The following ROCK2 variants were observed in gnomAD, a reference collection of about 807,000 sequenced individuals.
The protein encoded by ROCK2 is rho-associated protein kinase 2.
In ROCK2, 61 loss-of-function variants were observed where a neutral mutation model predicts 195.1. The observed-to-expected ratio is 0.31, with a 90% CI of 0.25 to 0.39. The LOEUF is 0.39. Among genes scored for constraint, ROCK2 ranks in the 10% least tolerant of loss-of-function variants. The pLI is 1.00. For missense variants in ROCK2, 1,109 were observed against 1,637.4 expected, an observed-to-expected ratio of 0.68 and a Z score of 5.57; for synonymous variants, 504 against 545.5, an observed-to-expected ratio of 0.92 and a Z score of 1.06.
intron 10 of ROCK2, 139 bp downstream of exon 10, chr2:11,218,827 A>G (rs1184149150): frequency 2.6e-5 from 14 of 542,112 alleles, no homozygotes; most frequent in Non-Finnish European, 4.3e-5. Flanking sequence ...TTGCAATGCT[A>G]TGTTAAACTG....
chr2:11,343,469 T>C (rs752603040), intron 1 of ROCK2, among the ~76,000 whole-genome samples: 5 of 152,190 alleles, frequency 3.3e-5, no homozygotes, highest in Non-Finnish European at 7.3e-5. Flanking sequence ...ATAGCAAGTA[T>C]GGAATGCTCA....
chr2:11,313,084 A>G (rs1668085682), intron 1 of ROCK2, among the ~76,000 whole-genome samples: 1 of 152,124 alleles, frequency 6.6e-6, no homozygotes, highest in Non-Finnish European at 1.5e-5. Flanking sequence ...ACCCAAACAA[A>G]TGTACAGCAA....
intron 1 of ROCK2, among the ~76,000 whole-genome samples, chr2:11,328,313 GAA>G (rs5829298): frequency 6.6e-6 from 1 of 152,178 alleles, no homozygotes; most frequent in African/African-American, 2.4e-5. Flanking sequence ...TTTGGGGGGG[GAA>G]ACAGGCTAAT....
intron 1 of ROCK2, among the ~76,000 whole-genome samples, chr2:11,315,530 C>A (rs1025695940): frequency 2.0e-5 from 3 of 151,926 alleles, no homozygotes; most frequent in Admixed American, 6.6e-5. Flanking sequence ...TTACTCTTTA[C>A]ATTTTCCAGT....
intron 3 of ROCK2, among the ~76,000 whole-genome samples, chr2:11,251,492 T>C (rs544912262): frequency 2.6e-5 from 4 of 152,262 alleles, no homozygotes; most frequent in South Asian, 4.1e-4. Flanking sequence ...AAGGGCTATA[T>C]AGATAGTAAG....
intron 7 of ROCK2, among the ~76,000 whole-genome samples, chr2:11,223,095 A>G (rs1664692260): frequency 6.6e-6 from 1 of 152,084 alleles, no homozygotes; most frequent in Non-Finnish European, 1.5e-5. Flanking sequence ...TCCTCTTAGA[A>G]AGAGGCGTCT....
intron 3 of ROCK2, among the ~76,000 whole-genome samples, chr2:11,267,312 T>C (rs1316006980): frequency 6.6e-6 from 1 of 152,024 alleles, no homozygotes; most frequent in Non-Finnish European, 1.5e-5. Context: ...ATGCTATAGG[T>C]GGGAACTCAG....
chr2:11,268,476 G>A (rs1666498329), intron 3 of ROCK2, among the ~76,000 whole-genome samples: 1 of 80,892 alleles, frequency 1.2e-5, no homozygotes, highest in Non-Finnish European at 3.2e-5. Context: ...CTGTGTGTGT[G>A]TGTTTTTTTC....
chr2:11,230,429 C>T (rs1047782116), intron 5 of ROCK2, among the ~76,000 whole-genome samples: 1 of 152,060 alleles, frequency 6.6e-6, no homozygotes, highest in African/African-American at 2.4e-5. Flanking sequence ...TTTTAGACAG[C>T]ATATACGTAG....
In ROCK2 at chr2:11,234,961, T is replaced by TA. The variant is rs753815550; in HGVS notation, c.723+740dup. On this transcript the variant is annotated intron_variant, in intron 5 of 32. Transcript: ENST00000315872. ...GCTTTATAAGCATACTGGAAAGTTA[T>TA]AAAAAACATACAAAAGATGAAATAC... Among the ~76,000 whole-genome samples, 129 of 152,166 alleles carry TA rather than the reference T, an allele frequency of 8.5e-4. 1 individual carries two copies. The highest frequency in any genetic ancestry group is 1.4e-3 in the Non-Finnish European group (97 of 67,960).
At chr2:11,215,981 T>TAAC (rs1450984881) in intron 13 of ROCK2, among the ~76,000 whole-genome samples, 177 bp downstream of exon 13, 6 of 152,152 alleles carry the variant, frequency 3.9e-5, no homozygotes, top group Admixed American at 6.5e-5. Flanking sequence ...TGCAAAAACA[T>TAAC]AACAGAATGA....
At chr2:11,255,377 C>T (rs1665993843) in intron 3 of ROCK2, among the ~76,000 whole-genome samples, 1 of 150,134 alleles carries the variant, frequency 6.7e-6, no homozygotes, top group African/African-American at 2.5e-5. Context: ...ATAACAAAAC[C>T]CCAGAGTCTC....
At chr2:11,195,543 C>T (rs1464527693) in intron 27 of ROCK2, among the ~76,000 whole-genome samples, 2 of 152,032 alleles carry the variant, frequency 1.3e-5, no homozygotes, top group African/African-American at 2.4e-5. Context: ...GAGATGGAGT[C>T]TTGCTCTGTC....
In ROCK2 at chr2:11,215,389, C is replaced by G; in HGVS notation, c.1621G>C (p.Glu541Gln). 6.2e-7 allele frequency: 1 copy of G among 1,608,090 alleles called. No homozygotes were observed. The highest frequency in any genetic ancestry group is 8.5e-7 in the Non-Finnish European group (1 of 1,178,018). The change falls in exon 15 of 33, where the codon GAA (glutamate) becomes CAA (glutamine). Residue 541 changes from glutamate (E) to glutamine (Q), a missense_variant. Physicochemically the swap from Glu to Gln is conservative, Grantham distance 29. This residue lies in a region of ROCK2 where 542 missense variants were observed against 672.0 expected (regional missense o/e 0.81). Transcript: ENST00000315872. Reference sequence around the variant, plus strand: ...TTTTGATTTCTTTTTTTCAAATCTTCAAGTTGATCTTTTAAGCTGTTAACT... The same window carrying G: ...TTTTGATTTCTTTTTTTCAAATCTTGAAGTTGATCTTTTAAGCTGTTAACT... ...NDVNSLKDQL[E>Q]DLKKRNQNSQ... is the part of the protein sequence containing the mutation.
intron 32 of ROCK2, among the ~76,000 whole-genome samples, chr2:11,189,149 T>A (rs1377733508): frequency 2.0e-5 from 3 of 151,782 alleles, no homozygotes; most frequent in Non-Finnish European, 4.4e-5. Context: ...CATTTATGGG[T>A]TCACTTTATA....
intron 1 of ROCK2, among the ~76,000 whole-genome samples, chr2:11,312,407 T>C (rs1390118001): frequency 6.6e-6 from 1 of 152,076 alleles, no homozygotes; most frequent in African/African-American, 2.4e-5. Flanking sequence ...CCACAAAGTT[T>C]CCTGTACTCC....
At chr2:11,329,674 A>G (rs1668658800) in intron 1 of ROCK2, among the ~76,000 whole-genome samples, 1 of 143,964 alleles carries the variant, frequency 6.9e-6, no homozygotes. Flanking sequence ...TTCAAAATTT[A>G]TAACTTTACA....
intron 1 of ROCK2, among the ~76,000 whole-genome samples, chr2:11,322,179 C>T (rs938760601): frequency 6.6e-6 from 1 of 151,948 alleles, no homozygotes; most frequent in Non-Finnish European, 1.5e-5. Context: ...AATAAATTTC[C>T]GTTATTTAAG....
At chr2:11,263,673 A>AC (rs1553308475) in intron 3 of ROCK2, among the ~76,000 whole-genome samples, 84,286 of 142,342 alleles carry the variant, frequency 0.59, 27,371 homozygotes, top group East Asian at 0.88. Context: ...ACACACACAC[A>AC]AAAAAAAACA....
Sources: allele counts gnomAD v4.1 joint callset (sites outside exome capture counted in the v4.1 genomes callset), GRCh38; gene constraint gnomAD v4.1.1; regional missense constraint gnomAD v4.1.1; transcripts MANE v1.5; gene names NCBI Gene and HGNC (gene_info 2026-07-23, HGNC 2026-07-21).